The following MARCHF4 variants were observed in gnomAD, a reference collection of about 807,000 sequenced individuals.
MARCHF4 encodes membrane associated ring-CH-type finger 4.
MARCHF4 carries 14 observed loss-of-function variants against 43.9 expected under a neutral mutation model. The observed-to-expected ratio is 0.32, with a 90% confidence interval of 0.21 to 0.50. MARCHF4 has a LOEUF of 0.50. MARCHF4 is among the 20% of genes least tolerant of loss of function. The pLI is 0.98. For missense variants in MARCHF4, 468 were observed against 536.7 expected (o/e 0.87, Z 1.27); for synonymous variants, 226 against 213.3 (o/e 1.06, Z -0.52).
chr2:216,364,446 C>A (rs904077890), intron 1 of MARCHF4, among the ~76,000 whole-genome samples: 4 of 152,128 alleles, frequency 2.6e-5, no homozygotes, highest in African/African-American at 9.7e-5. Context: ...CTCTAGAGGA[C>A]CCCACTCTGC....
intron 1 of MARCHF4, among the ~76,000 whole-genome samples, chr2:216,338,306 G>A (rs924869683): frequency 1.3e-5 from 2 of 148,728 alleles, no homozygotes; most frequent in African/African-American, 2.5e-5. Context: ...CACTGACCCC[G>A]GCAATCTACA....
At chr2:216,265,156 G>A (rs1183897743) in intron 3 of MARCHF4, among the ~76,000 whole-genome samples, 1 of 152,098 alleles carries the variant, frequency 6.6e-6, no homozygotes, top group Non-Finnish European at 1.5e-5. Context: ...GGTGAACAGA[G>A]GCAGAAAAGT....
chr2:216,307,179 G>A (rs921346271), intron 1 of MARCHF4, among the ~76,000 whole-genome samples: 3 of 152,166 alleles, frequency 2.0e-5, no homozygotes, highest in Non-Finnish European at 4.4e-5. Context: ...CCTCTCAGGT[G>A]TGCCTCTCTC....
At chr2:216,323,570 A>G (rs956111993) in intron 1 of MARCHF4, among the ~76,000 whole-genome samples, 43 of 152,140 alleles carry the variant, frequency 2.8e-4, no homozygotes, top group Admixed American at 2.6e-4. Context: ...GAAGTAAAGC[A>G]CTCCTCAGCA....
chr2:216,321,356 G>A (rs1322092144), intron 1 of MARCHF4, among the ~76,000 whole-genome samples: 31 of 152,136 alleles, frequency 2.0e-4, no homozygotes, highest in Non-Finnish European at 2.9e-5. Context: ...ATTAACATAT[G>A]TATATCCATA....
chr2:216,297,589 G>A (rs558145897), intron 1 of MARCHF4, among the ~76,000 whole-genome samples: 43 of 152,118 alleles, frequency 2.8e-4, no homozygotes, highest in Non-Finnish European at 4.1e-4. Context: ...TCAGCTCACC[G>A]CAACGTCCGC....
At chr2:216,364,020 C>G (rs1265148585) in intron 1 of MARCHF4, among the ~76,000 whole-genome samples, 1 of 152,132 alleles carries the variant, frequency 6.6e-6, no homozygotes, top group Non-Finnish European at 1.5e-5. Flanking sequence ...TGAGGATTAT[C>G]TAGTCTCCAG....
intron 1 of MARCHF4, among the ~76,000 whole-genome samples, chr2:216,368,475 C>A (rs773354916): frequency 1.4e-4 from 21 of 152,336 alleles, no homozygotes; most frequent in Admixed American, 7.2e-4. Flanking sequence ...TATATCACTT[C>A]CCCTCATAAT....
At chr2:216,323,643 C>T (rs1244945642) in intron 1 of MARCHF4, among the ~76,000 whole-genome samples, 5 of 152,126 alleles carry the variant, frequency 3.3e-5, no homozygotes, top group Non-Finnish European at 5.9e-5. Flanking sequence ...CAAACTAGAA[C>T]TCAGGATTAA....
chr2:216,283,186 C>T (rs1246777100), intron 2 of MARCHF4, among the ~76,000 whole-genome samples: 1 of 152,182 alleles, frequency 6.6e-6, no homozygotes, highest in Admixed American at 6.5e-5. Context: ...GCCCTCTGGC[C>T]TTTCTCTCTT....
Position 216,369,871 on chromosome 2 carries a change from C to T in MARCHF4, c.390G>A (p.Leu130=). The change falls in exon 1 of 4, where the codon CTG becomes CTA. Residue 130 remains leucine (L), a synonymous_variant. Coordinates refer to ENST00000273067, the MANE Select transcript of MARCHF4 (RefSeq NM_020814.3). The part of the protein sequence containing the change: ...GGPATEPPAS[L]LSSASSDDFC... ...AGTCATCTGAGGAGGCACTGCTGAG[C>T]AGCGAGGCAGGTGGCTCTGTGGCTG... 2.5e-6 allele frequency: 4 copies of T among 1,614,012 alleles called. No individual in the cohort carries two copies. The highest frequency in any genetic ancestry group is 3.4e-6 in the Non-Finnish European group (4 of 1,180,024).
intron 2 of MARCHF4, among the ~76,000 whole-genome samples, chr2:216,283,285 C>T (rs899490970): frequency 1.3e-5 from 2 of 152,068 alleles, no homozygotes; most frequent in South Asian, 4.1e-4. Flanking sequence ...CATCCTTTCA[C>T]TTACTTATTC....
chr2:216,361,796 C>T (rs1280011423), intron 1 of MARCHF4, among the ~76,000 whole-genome samples: 1 of 152,104 alleles, frequency 6.6e-6, no homozygotes, highest in Non-Finnish European at 1.5e-5. Flanking sequence ...TTTAAAGACT[C>T]CAGTGAGAGA....
At chr2:216,276,972 T>C (rs1288814589) in intron 3 of MARCHF4, among the ~76,000 whole-genome samples, 1 of 146,410 alleles carries the variant, frequency 6.8e-6, no homozygotes, top group Non-Finnish European at 1.5e-5. Flanking sequence ...TAGGTTCCAA[T>C]TTTTTTTTTC....
chr2:216,335,026 T>C (rs1692137451), intron 1 of MARCHF4, among the ~76,000 whole-genome samples: 1 of 152,258 alleles, frequency 6.6e-6, no homozygotes, highest in African/African-American at 2.4e-5. Context: ...AGATGATTTA[T>C]ATGTTGTAAA....
intron 1 of MARCHF4, among the ~76,000 whole-genome samples, chr2:216,333,564 G>C (rs1013874864): frequency 9.2e-5 from 14 of 152,194 alleles, no homozygotes. Context: ...AAATCTATGT[G>C]GTAGGTGCCA....
chr2:216,354,947 C>A (rs1056520637), intron 1 of MARCHF4, among the ~76,000 whole-genome samples: 2 of 140,186 alleles, frequency 1.4e-5, no homozygotes, highest in African/African-American at 5.5e-5. Flanking sequence ...TTCTTTCTTT[C>A]TTTCTTTCTT....
chr2:216,275,260 A>G (rs1161552226), intron 3 of MARCHF4, among the ~76,000 whole-genome samples: 1 of 152,152 alleles, frequency 6.6e-6, no homozygotes. Flanking sequence ...CAGGAGGAGG[A>G]GGAGAGGTGG....
rs775273494 is a variant in MARCHF4 at position 216,370,598 on chromosome 2, G to A, written c.-338C>T. On this transcript the variant is annotated 5_prime_UTR_variant, in exon 1 of 4. Coordinates refer to ENST00000273067, the MANE Select transcript of MARCHF4 (RefSeq NM_020814.3). ...AGAGGGATTGAAGAAGCGTGGTGGA[G>A]GGGCCACTAGAGCCTCTGTCGAATT... The A allele has an allele frequency of 2.2e-4, 55 of 244,886 alleles. No individual in the cohort carries two copies. The highest frequency in any genetic ancestry group is 1.5e-3 in the Admixed American group (27 of 18,546). 15.2% of individuals were successfully genotyped at this position (244,886 alleles called of 1,614,324 possible).
Sources: allele counts gnomAD v4.1 joint callset (sites outside exome capture counted in the v4.1 genomes callset), GRCh38; gene constraint gnomAD v4.1.1; transcripts MANE v1.5; gene names NCBI Gene and HGNC (gene_info 2026-07-23, HGNC 2026-07-21).